SNAP91: variants seen among roughly 807,000 people sequenced by gnomAD.
The protein encoded by SNAP91 is clathrin coat assembly protein AP180.
SNAP91 carries 27 observed loss-of-function variants against 100.3 expected under a neutral mutation model. The ratio of observed to expected loss-of-function variants is 0.27; its 90% CI spans 0.20 to 0.37. SNAP91 has a LOEUF of 0.37. Ranked by LOEUF, SNAP91 falls within the 10% of genes least tolerant of loss-of-function variation. SNAP91 has a pLI of 1.00. For missense variants in SNAP91, 986 were observed against 1,123.7 expected (o/e 0.88, Z 1.75); for synonymous variants, 404 against 398.6 (o/e 1.01, Z -0.16).
rs781559238 is a variant in SNAP91 at position 83,580,489 on chromosome 6, C to T, written c.2260G>A (p.Gly754Arg). 13 of 1,613,268 alleles carry T rather than the reference C, an allele frequency of 8.1e-6. No homozygotes were observed. The highest frequency in any genetic ancestry group is 1.1e-5 in the Non-Finnish European group (13 of 1,179,726). Residue 754 changes from glycine (G) to arginine (R), a missense_variant, in exon 24 of 30, where the codon GGA (glycine) becomes AGA (arginine). Physicochemically the swap from Gly to Arg is moderately radical, Grantham distance 125. Transcript: ENST00000369694. ...SPAMAASKAL[G>R]SDLDSSLASL... ...GCAAGAGATGAATCAAGATCACTTC[C>T]AAGGGCTTTGCTGGCTGCCATTGCA...
At chr6:83,666,582 T>A (rs560549750) in intron 2 of SNAP91, among the ~76,000 whole-genome samples, 1 of 152,268 alleles carries the variant, frequency 6.6e-6, no homozygotes, top group African/African-American at 2.4e-5. Flanking sequence ...CATTAAACTA[T>A]ACATTTTATG....
At chr6:83,684,009 C>T (rs1326523495) in intron 2 of SNAP91, among the ~76,000 whole-genome samples, 1 of 152,194 alleles carries the variant, frequency 6.6e-6, no homozygotes, top group African/African-American at 2.4e-5. Flanking sequence ...ATCACAATTG[C>T]CTCATACCTT....
At chr6:83,611,588 G>A (rs1387695576) in intron 11 of SNAP91, 1 of 298,886 alleles carries the variant, frequency 3.3e-6, no homozygotes. Context: ...CATAGCAGCA[G>A]CAAAACAAAA....
At chr6:83,705,805 A>T (rs895233932) in intron 2 of SNAP91, among the ~76,000 whole-genome samples, 4 of 151,824 alleles carry the variant, frequency 2.6e-5, no homozygotes, top group African/African-American at 9.7e-5. Context: ...ACTCCATCTC[A>T]CAAAGAGAAA....
At chr6:83,605,017 G>A (rs1007233341) in intron 14 of SNAP91, among the ~76,000 whole-genome samples, 2 of 152,024 alleles carry the variant, frequency 1.3e-5, no homozygotes, top group African/African-American at 4.8e-5. Context: ...TTGCAGCTTT[G>A]AGCATTATGA....
intron 2 of SNAP91, among the ~76,000 whole-genome samples, chr6:83,677,143 C>T (rs753791574): frequency 6.6e-6 from 1 of 152,186 alleles, no homozygotes; most frequent in Non-Finnish European, 1.5e-5. Context: ...TCTTCCTTGA[C>T]TTCATTCCCA....
chr6:83,707,427 A>C (rs1269297000), intron 2 of SNAP91, among the ~76,000 whole-genome samples: 1 of 151,648 alleles, frequency 6.6e-6, no homozygotes, highest in Non-Finnish European at 1.5e-5. Context: ...TGCAACCTCT[A>C]ATTTCCTCTA....
intron 8 of SNAP91, among the ~76,000 whole-genome samples, chr6:83,631,261 AT>A (rs1459631701): frequency 6.6e-6 from 1 of 152,134 alleles, no homozygotes; most frequent in Non-Finnish European, 1.5e-5. Context: ...GTGGCCTCTC[AT>A]ATGGTCTATC....
intron 2 of SNAP91, among the ~76,000 whole-genome samples, chr6:83,707,260 TCACA>T (rs572573261): frequency 4.0e-5 from 6 of 150,260 alleles, no homozygotes; most frequent in African/African-American, 1.2e-4. Context: ...GTAACATACC[TCACA>T]CACACACACA....
intron 26 of SNAP91, among the ~76,000 whole-genome samples, chr6:83,562,274 A>C (rs1789109112): frequency 6.6e-6 from 1 of 152,220 alleles, no homozygotes; most frequent in Non-Finnish European, 1.5e-5. Flanking sequence ...CTGTTGATGA[A>C]AAAATTCTCA....
At chr6:83,707,773 C>T (rs758809305) in intron 2 of SNAP91, 25 bp downstream of exon 2, 8 of 1,611,450 alleles carry the variant, frequency 5.0e-6, no homozygotes, top group Non-Finnish European at 6.8e-6. Flanking sequence ...GTGCGCATGT[C>T]CCTCTTATAT....
intron 2 of SNAP91, chr6:83,686,952 T>C (rs1231754474): frequency 6.6e-6 from 1 of 152,214 alleles, no homozygotes; most frequent in African/African-American, 2.4e-5. Flanking sequence ...ACTTAGGTTT[T>C]GGTTTTCTTG....
At chr6:83,637,601 T>C (rs1231819600) in intron 8 of SNAP91, among the ~76,000 whole-genome samples, 1 of 152,198 alleles carries the variant, frequency 6.6e-6, no homozygotes, top group East Asian at 1.9e-4. Context: ...CCAAGCCTTC[T>C]GCTCTCAGAT....
intron 20 of SNAP91, 23 bp downstream of exon 20, chr6:83,592,923 C>G (rs1338093754): frequency 6.5e-7 from 1 of 1,549,622 alleles, no homozygotes; most frequent in Non-Finnish European, 8.8e-7. Context: ...TCTCTGAAGT[C>G]CTGACCTTGG....
rs748411789 is a variant in SNAP91, at chr6:83,707,920, C to T, written c.8G>A (p.Gly3Asp). The change falls in exon 2 of 30, where the codon GGC becomes GAC. Residue 3 changes from glycine to aspartate, a missense_variant. Physicochemically the swap from Gly to Asp is moderately conservative, Grantham distance 94. This residue lies in a region of SNAP91 where 330 missense variants were observed against 447.5 expected (regional missense o/e 0.74). Transcript: ENST00000369694. ...GGCGATCCGATCCGTGAGCGTTTGG[C>T]CCGACATCTTCTGTGGTCGCGTCTA... The part of the protein sequence containing the change: MS[G>D]QTLTDRIAAA... The T allele has an allele frequency of 1.3e-6, 2 of 1,584,406 alleles. No individual in the cohort carries two copies. The highest frequency in any genetic ancestry group is 1.9e-5 in the Admixed American group (1 of 52,714).
At position 83,707,799 on chromosome 6, in the gene SNAP91, G is replaced by A. The variant is rs1249519043; in HGVS notation, c.129C>T (p.Asp43=). 1.2e-6 allele frequency: 2 copies of A among 1,613,256 alleles called. No homozygotes were observed. The highest frequency in any genetic ancestry group is 4.5e-5 in the East Asian group (2 of 44,842). Residue 43 remains aspartate (D), a splice_region_variant and synonymous_variant, in exon 2 of 30, where the codon GAC becomes GAT. Transcript: ENST00000369694. ...CCTCTTATATAAAGAGATGCTTACAGTCCAGGTGCTTTTTCTTGGGGCCCA... is the reference window on the plus strand; with the variant it reads ...CCTCTTATATAAAGAGATGCTTACAATCCAGGTGCTTTTTCTTGGGGCCCA... The part of the protein sequence containing the change: ...EVMGPKKKHL[D]YLIQATNETN...
At chr6:83,641,402 ATC>A (rs2097696211) in intron 7 of SNAP91, among the ~76,000 whole-genome samples, 200 bp from the exon 8 acceptor site, 1 of 152,212 alleles carries the variant, frequency 6.6e-6, no homozygotes, top group Non-Finnish European at 1.5e-5. Flanking sequence ...CAAGATAATC[ATC>A]TGTCTCAAAT....
At chr6:83,651,851 A>C (rs745317787) in intron 7 of SNAP91, among the ~76,000 whole-genome samples, 3 of 152,232 alleles carry the variant, frequency 2.0e-5, no homozygotes, top group African/African-American at 7.2e-5. Flanking sequence ...TGAAGATCCA[A>C]ATCTACCAGT....
intron 8 of SNAP91, among the ~76,000 whole-genome samples, chr6:83,626,157 T>C (rs1391276432): frequency 6.6e-6 from 1 of 152,108 alleles, no homozygotes; most frequent in Non-Finnish European, 1.5e-5. Flanking sequence ...TTATCAAAGA[T>C]CAGTGGTTTG....
Sources: allele counts gnomAD v4.1 joint callset (sites outside exome capture counted in the v4.1 genomes callset), GRCh38; gene constraint gnomAD v4.1.1; regional missense constraint gnomAD v4.1.1; transcripts MANE v1.5; gene names NCBI Gene and HGNC (gene_info 2026-07-23, HGNC 2026-07-21).